SERINC5: variants seen among roughly 807,000 people sequenced by gnomAD.
SERINC5 encodes the protein chromosome 5 open reading frame 12.
Under a neutral mutation model 63.1 loss-of-function variants are expected in SERINC5, and 41 were observed. That is an observed-to-expected ratio of 0.65 (90% CI 0.51 to 0.84). The LOEUF (loss-of-function observed/expected upper bound fraction) is 0.84, where lower values mean the gene tolerates loss of function less well. Among genes scored for constraint, SERINC5 ranks in the 40% least tolerant of loss-of-function variants. SERINC5 has a pLI of 0.00. For synonymous variants in SERINC5, 222 were observed against 215.2 expected, an observed-to-expected ratio of 1.03 and a Z score of -0.28; for missense variants, 523 against 573.0, an observed-to-expected ratio of 0.91 and a Z score of 0.89.
intron 1 of SERINC5, among the ~76,000 whole-genome samples, chr5:80,243,960 AT>A (rs1752056180): frequency 6.6e-6 from 1 of 151,896 alleles, no homozygotes; most frequent in African/African-American, 2.4e-5. Flanking sequence ...AAAAAAGGGG[AT>A]GGAGGGCTAC....
At chr5:80,186,738 T>C (rs953567015) in intron 2 of SERINC5, among the ~76,000 whole-genome samples, 6 of 152,206 alleles carry the variant, frequency 3.9e-5, no homozygotes, top group African/African-American at 1.4e-4. Flanking sequence ...CAGGTCTAAT[T>C]GGCCAGGGGC....
In SERINC5 at chr5:80,144,298, A is replaced by G. The variant is rs117293483; in HGVS notation, c.1239-488T>C. Among the ~76,000 whole-genome samples, 74 of 152,312 alleles carry G rather than the reference A, an allele frequency of 4.9e-4. No homozygotes were observed. The East Asian group carries it at 0.011, about 23-fold the overall frequency. On this transcript the variant is annotated intron_variant, in intron 11 of 11. Coordinates refer to ENST00000507668, the MANE Select transcript of SERINC5 (RefSeq NM_001174072.3). ...TGTTTCCCCTTTTTGATTATCACCA[A>G]TGATGCTTGTATGAACACCGCTGTG...
chr5:80,227,136 T>C (rs1019475584), intron 1 of SERINC5, among the ~76,000 whole-genome samples: 3 of 152,076 alleles, frequency 2.0e-5, no homozygotes, highest in Non-Finnish European at 4.4e-5. Context: ...CCTAAGGTGA[T>C]CCACCCACCT....
chr5:80,244,810 A>G (rs1752100917), intron 1 of SERINC5, among the ~76,000 whole-genome samples: 1 of 152,132 alleles, frequency 6.6e-6, no homozygotes, highest in South Asian at 2.1e-4. Flanking sequence ...TGACAAAGCG[A>G]GACTCCGTCT....
In SERINC5 at chr5:80,229,050, T is replaced by TGGGGGCGGGGG. The variant is rs1174325559; in HGVS notation, c.28-25998_28-25997insCCCCCGCCCCC. ...TTTTTTTTTTTTTTTTTTTTTTTTT[T>TGGGGGCGGGGG]GGGGATGGAGTTGCCTAGGCTGGAG... On this transcript the variant is annotated intron_variant, in intron 1 of 11. Transcript: ENST00000507668. 7.4e-5 allele frequency among the ~76,000 whole-genome samples: 7 copies of TGGGGGCGGGGG among 94,164 alleles called. 1 individual carries two copies. The highest frequency in any genetic ancestry group is 3.5e-4 in the East Asian group (1 of 2,896). 61.8% of individuals were successfully genotyped at this position (94,164 alleles called of 152,430 possible). A position where few individuals can be genotyped will look rare whatever the true frequency, so the allele number is the denominator to read the frequency against.
At chr5:80,161,637 C>A (rs1277282455) in intron 7 of SERINC5, among the ~76,000 whole-genome samples, 1 of 152,138 alleles carries the variant, frequency 6.6e-6, no homozygotes, top group Non-Finnish European at 1.5e-5. Flanking sequence ...CAAATATTTT[C>A]TCTGATTCTG....
intron 1 of SERINC5, among the ~76,000 whole-genome samples, chr5:80,245,845 C>T (rs1416547936): frequency 2.0e-5 from 3 of 151,608 alleles, no homozygotes; most frequent in Non-Finnish European, 4.4e-5. Flanking sequence ...CAACTCCTGA[C>T]CTCAGGTGAT....
Position 80,141,058 on chromosome 5 carries a change from G to A in SERINC5, c.*2605C>T. ...CAAAACTGTAGATTCTTTAAATCCA[G>A]GAATGTTGACTCCTCACCTGAGTAT... On this transcript the variant is annotated 3_prime_UTR_variant, in exon 12 of 12. Coordinates refer to ENST00000507668, the MANE Select transcript of SERINC5 (RefSeq NM_001174072.3). 1.0e-6 allele frequency: 1 copy of A among 985,364 alleles called. No homozygotes were observed. Among genetic ancestry groups the A allele is most frequent in the Non-Finnish European group, 1.2e-6 (1 of 829,908 alleles). 61.0% of individuals were successfully genotyped at this position (985,364 alleles called of 1,614,324 possible).
At chr5:80,252,224 G>A (rs1195061117) in intron 1 of SERINC5, among the ~76,000 whole-genome samples, 3 of 151,908 alleles carry the variant, frequency 2.0e-5, no homozygotes, top group African/African-American at 7.3e-5. Flanking sequence ...CATCACGCCT[G>A]GCTAATTTTT....
intron 11 of SERINC5, among the ~76,000 whole-genome samples, chr5:80,114,935 T>C (rs1019062620): frequency 2.0e-5 from 3 of 151,964 alleles, no homozygotes; most frequent in African/African-American, 7.3e-5. Flanking sequence ...AGACAAGAAA[T>C]GTGTGTCTCT....
chr5:80,178,535 G>GTTTTTTTTT (rs1341563769), intron 2 of SERINC5, among the ~76,000 whole-genome samples: 1 of 81,558 alleles, frequency 1.2e-5, no homozygotes, highest in African/African-American at 4.5e-5. Context: ...GCTAATTTTT[G>GTTTTTTTTT]TATTTTTTTT....
At chr5:80,251,300 A>G (rs1752406467) in intron 1 of SERINC5, among the ~76,000 whole-genome samples, 1 of 132,656 alleles carries the variant, frequency 7.5e-6, no homozygotes, top group Non-Finnish European at 1.5e-5. Context: ...GCATACATAC[A>G]TACATACATA....
chr5:80,229,661 T>C (rs747928269), intron 1 of SERINC5, among the ~76,000 whole-genome samples: 2 of 152,184 alleles, frequency 1.3e-5, no homozygotes, highest in Non-Finnish European at 2.9e-5. Context: ...AACACAGACC[T>C]GTTCAGCCAT....
At chr5:80,204,168 A>C (rs1323696862) in intron 1 of SERINC5, among the ~76,000 whole-genome samples, 1 of 152,164 alleles carries the variant, frequency 6.6e-6, no homozygotes, top group Non-Finnish European at 1.5e-5. Context: ...TCGCCAGTAA[A>C]GAGTTTTGGT....
intron 2 of SERINC5, among the ~76,000 whole-genome samples, chr5:80,191,232 T>C (rs569497095): frequency 6.6e-6 from 1 of 152,086 alleles, no homozygotes; most frequent in African/African-American, 2.4e-5. Flanking sequence ...AAAGACACCC[T>C]CCTCTGCTCA....
chr5:80,232,187 G>A (rs541454643), intron 1 of SERINC5, among the ~76,000 whole-genome samples: 9 of 150,516 alleles, frequency 6.0e-5, no homozygotes, highest in East Asian at 3.9e-4. Context: ...GGCAGATCAC[G>A]AGGTCAGGAG....
Position 80,169,318 on chromosome 5 carries a change from G to A in SERINC5, c.763+17C>T. ...AGGAAAATATAAGTAACGAAGAATG[G>A]AAAAAAACATGCTTACGATTTTGGA... is the stretch of plus-strand genomic sequence containing the variant. On this transcript the variant is annotated intron_variant, in intron 6 of 11. Coordinates refer to ENST00000507668, the MANE Select transcript of SERINC5 (RefSeq NM_001174072.3). The A allele has an allele frequency of 6.2e-7, 1 of 1,605,444 alleles. No homozygotes were observed. The highest frequency in any genetic ancestry group is 1.1e-5 in the South Asian group (1 of 90,722).
chr5:80,119,750 T>C (rs564092122), intron 11 of SERINC5, among the ~76,000 whole-genome samples: 16 of 152,338 alleles, frequency 1.1e-4, no homozygotes, highest in African/African-American at 3.6e-4. Flanking sequence ...ACAGCACATC[T>C]GAATAACCCA....
chr5:80,225,720 TATGCACTCACAC>T (rs1227257920), intron 1 of SERINC5, among the ~76,000 whole-genome samples: 3 of 152,114 alleles, frequency 2.0e-5, no homozygotes, highest in Admixed American at 6.6e-5. Context: ...ACCTGTGTAA[TATGCACTCACAC>T]ATGCACACGA....
Sources: allele counts gnomAD v4.1 joint callset (sites outside exome capture counted in the v4.1 genomes callset), GRCh38; gene constraint gnomAD v4.1.1; transcripts MANE v1.5; gene names NCBI Gene and HGNC (gene_info 2026-07-23, HGNC 2026-07-21).